UIMC1: variants seen among roughly 807,000 people sequenced by gnomAD.
UIMC1 encodes ubiquitin interaction motif containing 1, also known as BRCA1-A complex subunit RAP80.
Under a neutral mutation model 84.9 loss-of-function variants are expected in UIMC1, and 42 were observed. The observed-to-expected ratio is 0.49, with a 90% CI of 0.39 to 0.64. The LOEUF is 0.64. UIMC1 is among the 30% of genes least tolerant of loss of function. The probability of loss-of-function intolerance (pLI) is 0.00; values close to 1 mark genes in which losing one functional copy is unlikely to be tolerated. For missense variants in UIMC1, 825 were observed against 847.6 expected (o/e 0.97, Z 0.33); for synonymous variants, 281 against 293.0 (o/e 0.96, Z 0.42).
intron 2 of UIMC1, among the ~76,000 whole-genome samples, chr5:176,978,250 G>A (rs1332118122): frequency 6.6e-6 from 1 of 152,014 alleles, no homozygotes; most frequent in African/African-American, 2.4e-5. Context: ...GCAGGCGCCT[G>A]TAGTCCCAGC....
rs191813752 is a variant in UIMC1 at position 176,924,358 on chromosome 5, T to C, written c.1598-12969A>G. 2.6e-5 allele frequency among the ~76,000 whole-genome samples: 4 copies of C among 151,632 alleles called. No homozygotes were observed. The East Asian group carries it at 7.8e-4, about 29-fold the overall frequency. ...AATAAAAATAATATCTACCACAATC[T>C]TGAAAAAGAACAAATGAGAAATTAT... On this transcript the variant is annotated intron_variant, in intron 10 of 14. Transcript: ENST00000511320.
At position 176,968,583 on chromosome 5, in the gene UIMC1, T is replaced by C; in HGVS notation, c.1172A>G (p.Glu391Gly). The C allele has an allele frequency of 6.2e-7, 1 of 1,612,092 alleles. No individual in the cohort carries two copies. The highest frequency in any genetic ancestry group is 8.5e-7 in the Non-Finnish European group (1 of 1,179,300). The change falls in exon 6 of 15, where the codon GAG (glutamate) becomes GGG (glycine). Residue 391 changes from glutamate (E) to glycine (G), a missense_variant. By Grantham distance (98) the Glu-to-Gly change is moderately conservative (BLOSUM62 -2). Transcript: ENST00000511320. ...IKSLKEKLLL[E>G]EEPTTSHGQS... The stretch of plus-strand genomic sequence containing the variant: ...ACCATGACTGGTTGTTGGTTCTTCC[T>C]CCAACAAAAGTTTCTCTTTCAAGCT...
chr5:177,016,390 A>C (rs952289397), intron 1 of UIMC1, among the ~76,000 whole-genome samples: 5 of 151,238 alleles, frequency 3.3e-5, no homozygotes, highest in East Asian at 3.9e-4. Flanking sequence ...CAAACAAACA[A>C]AATACTATAA....
chr5:176,972,728 T>G (rs1327654991), intron 3 of UIMC1, among the ~76,000 whole-genome samples: 1 of 151,580 alleles, frequency 6.6e-6, no homozygotes, highest in African/African-American at 2.4e-5. Context: ...AGAACAAGAC[T>G]CCATCTCAAA....
Position 176,969,144 on chromosome 5 carries a change from G to A in UIMC1, c.611C>T (p.Ser204Leu). The A allele has an allele frequency of 6.2e-7, 1 of 1,614,176 alleles. No homozygotes were observed. The highest frequency in any genetic ancestry group is 8.5e-7 in the Non-Finnish European group (1 of 1,180,030). The change falls in exon 6 of 15, where the codon TCA becomes TTA. Residue 204 changes from serine to leucine, a missense_variant. By Grantham distance (145) the Ser-to-Leu change is moderately radical. Coordinates refer to ENST00000511320, the MANE Select transcript of UIMC1 (RefSeq NM_001199298.2). ...VSGSSGSWDQ[S>L]SQPVFENVNV... Reference sequence around the variant, plus strand: ...CACATTCTCAAACACTGGCTGGCTTGACTGGTCCCAGCTTCCTGAGCTGCC... The same window carrying A: ...CACATTCTCAAACACTGGCTGGCTTAACTGGTCCCAGCTTCCTGAGCTGCC...
intron 8 of UIMC1, among the ~76,000 whole-genome samples, chr5:176,952,809 A>G (rs1766055733): frequency 6.6e-6 from 1 of 152,094 alleles, no homozygotes; most frequent in Admixed American, 6.6e-5. Flanking sequence ...ACACACAAAA[A>G]AAAGTTTGCC....
At chr5:176,927,048 T>C (rs554108857) in intron 10 of UIMC1, among the ~76,000 whole-genome samples, 246 of 152,216 alleles carry the variant, frequency 1.6e-3, no homozygotes, top group African/African-American at 5.7e-3. Context: ...ATAGTAGTAA[T>C]AGCAGTCACT....
intron 10 of UIMC1, among the ~76,000 whole-genome samples, chr5:176,915,720 C>T (rs994678939): frequency 1.4e-5 from 2 of 140,886 alleles, no homozygotes; most frequent in South Asian, 2.2e-4. Flanking sequence ...TCCCAAAGTG[C>T]TGGGATTACA....
intron 3 of UIMC1, among the ~76,000 whole-genome samples, chr5:176,974,519 A>G (rs985514875): frequency 6.6e-6 from 1 of 152,192 alleles, no homozygotes; most frequent in Non-Finnish European, 1.5e-5. Flanking sequence ...AAAAACCATA[A>G]AAGAGAAAAA....
intron 11 of UIMC1, among the ~76,000 whole-genome samples, chr5:176,909,731 T>C (rs534809403): frequency 6.6e-6 from 1 of 152,282 alleles, no homozygotes; most frequent in Non-Finnish European, 1.5e-5. Context: ...AAATGCTGCC[T>C]TAAGAGAAAA....
intron 1 of UIMC1, among the ~76,000 whole-genome samples, chr5:176,986,146 G>A (rs1345082000): frequency 7.9e-5 from 12 of 151,344 alleles, no homozygotes; most frequent in African/African-American, 2.7e-4. Flanking sequence ...GATCACCTGA[G>A]GTCAGGAGTT....
At chr5:176,938,196 A>G in intron 10 of UIMC1, among the ~76,000 whole-genome samples, 1 of 150,368 alleles carries the variant, frequency 6.7e-6, no homozygotes. Context: ...TCTCAAAAAA[A>G]AAAAAAAAAA....
intron 3 of UIMC1, among the ~76,000 whole-genome samples, chr5:176,971,858 G>A (rs1278243058): frequency 1.3e-5 from 2 of 151,768 alleles, no homozygotes; most frequent in Non-Finnish European, 2.9e-5. Context: ...GCAATGAGCT[G>A]AAACCATGCC....
At chr5:176,951,653 T>C in intron 8 of UIMC1, 76 bp from the exon 9 acceptor site, 1 of 1,112,830 alleles carries the variant, frequency 9.0e-7, no homozygotes, top group East Asian at 2.6e-5. Context: ...ACATGCCTAT[T>C]TTCACCTAAA....
At chr5:176,915,574 G>A (rs1350702726) in intron 10 of UIMC1, among the ~76,000 whole-genome samples, 1 of 151,110 alleles carries the variant, frequency 6.6e-6, no homozygotes, top group East Asian at 1.9e-4. Context: ...TCCTGCCTCA[G>A]CCCCCTGAGT....
chr5:176,973,513 G>A (rs183899844), intron 3 of UIMC1, among the ~76,000 whole-genome samples: 67 of 149,678 alleles, frequency 4.5e-4, no homozygotes, highest in African/African-American at 3.7e-4. Flanking sequence ...CCAGGTGGTC[G>A]AAGCTGCAGT....
At chr5:176,990,212 G>A (rs1772620045) in intron 1 of UIMC1, among the ~76,000 whole-genome samples, 1 of 151,648 alleles carries the variant, frequency 6.6e-6, no homozygotes, top group East Asian at 1.9e-4. Context: ...AGAAAGAAAT[G>A]GGGACTTAGG....
At chr5:176,924,039 CG>C (rs1252653731) in intron 10 of UIMC1, among the ~76,000 whole-genome samples, 2 of 151,814 alleles carry the variant, frequency 1.3e-5, no homozygotes, top group African/African-American at 4.8e-5. Context: ...ACAATCTGGC[CG>C]GGCACGGTGG....
intron 12 of UIMC1, 26 bp downstream of exon 12, chr5:176,908,496 GC>G: frequency 6.3e-7 from 1 of 1,593,884 alleles, no homozygotes; most frequent in East Asian, 2.3e-5. Flanking sequence ...GGGTTAGGTG[GC>G]CTTTCCCAAA....
Sources: allele counts gnomAD v4.1 joint callset (sites outside exome capture counted in the v4.1 genomes callset), GRCh38; gene constraint gnomAD v4.1.1; transcripts MANE v1.5; gene names NCBI Gene and HGNC (gene_info 2026-07-23, HGNC 2026-07-21).